TWSG1: variants seen among roughly 807,000 people sequenced by gnomAD.
The protein encoded by TWSG1 is twisted gastrulation BMP signaling modulator 1, also known as twisted gastrulation protein homolog 1.
TWSG1 carries 15 observed loss-of-function variants against 23.0 expected under a neutral mutation model. The observed-to-expected ratio is 0.65, with a 90% CI of 0.44 to 1.00. TWSG1 has a LOEUF of 1.00. TWSG1 is among the 50% of genes least tolerant of loss of function. The pLI is 0.00. For synonymous variants in TWSG1, 86 were observed against 92.8 expected (o/e 0.93, Z 0.42); for missense variants, 242 against 278.7 (o/e 0.87, Z 0.94).
intron 3 of TWSG1, among the ~76,000 whole-genome samples, chr18:9,383,904 A>G (rs1203883192): frequency 6.6e-6 from 1 of 152,198 alleles, no homozygotes; most frequent in African/African-American, 2.4e-5. Context: ...TGAAGTTACT[A>G]GTAAGTAGGG....
chr18:9,344,051 C>T (rs1247869079), intron 2 of TWSG1, among the ~76,000 whole-genome samples: 2 of 152,132 alleles, frequency 1.3e-5, no homozygotes, highest in African/African-American at 2.4e-5. Flanking sequence ...CAGGTGTGTG[C>T]CACCATACCT....
intron 3 of TWSG1, among the ~76,000 whole-genome samples, chr18:9,363,462 T>G (rs187159266): frequency 4.2e-4 from 64 of 152,316 alleles, no homozygotes; most frequent in African/African-American, 1.5e-3. Flanking sequence ...GGTATATGTC[T>G]CTATCTTCCC....
intron 2 of TWSG1, among the ~76,000 whole-genome samples, chr18:9,346,078 A>G (rs1186947051): frequency 1.3e-5 from 2 of 152,156 alleles, no homozygotes; most frequent in African/African-American, 2.4e-5. Flanking sequence ...TCTTGTATCT[A>G]CCATTACAGT....
chr18:9,388,085 A>G (rs1332562628), intron 3 of TWSG1: 1 of 152,222 alleles, frequency 6.6e-6, no homozygotes, highest in Non-Finnish European at 1.5e-5. Flanking sequence ...CAATGAAGGA[A>G]CTGTATCAGT....
chr18:9,401,547 T>G lies in TWSG1; in HGVS notation c.*2020T>G, dbSNP rs1568042369. 4 of 152,206 alleles carry G rather than the reference T, an allele frequency of 2.6e-5. No homozygotes were observed. The highest frequency in any genetic ancestry group is 9.7e-5 in the African/African-American group (4 of 41,450). 9.4% of individuals were successfully genotyped at this position (152,206 alleles called of 1,614,324 possible). A position where few individuals can be genotyped will look rare whatever the true frequency, so the allele number is the denominator to read the frequency against. On this transcript the variant is annotated 3_prime_UTR_variant, in exon 5 of 5. Transcript: ENST00000262120. ...GGATAATTTCTTAAACCACATTGTT[T>G]TAATTGATTTTTCTTATCTTGATTT... is the stretch of plus-strand genomic sequence containing the variant.
At position 9,401,189 on chromosome 18, in the gene TWSG1, G is replaced by A. The variant is rs561423481; in HGVS notation, c.*1662G>A. On this transcript the variant is annotated 3_prime_UTR_variant, in exon 5 of 5. Transcript: ENST00000262120. ...ATATTTTTTGGTAGGGAAACATTAG[G>A]GTCTCCTTTTCTTCCTTTTACCTAG... 7.2e-5 allele frequency: 11 copies of A among 152,176 alleles called. No homozygotes were observed. In the South Asian group the frequency reaches 1.0e-3, roughly 14 times the overall value. 9.4% of individuals were successfully genotyped at this position (152,176 alleles called of 1,614,324 possible). A position where few individuals can be genotyped will look rare whatever the true frequency, so the allele number is the denominator to read the frequency against.
chr18:9,363,774 C>T lies in TWSG1; in HGVS notation c.223+3703C>T, dbSNP rs141123821. On this transcript the variant is annotated intron_variant, in intron 3 of 4. Transcript: ENST00000262120. ...CCAGGTAGCTGGGACTACAGACACACGCCACCATATCTAGATACTTTTTTG... is the reference window on the plus strand; with the variant it reads ...CCAGGTAGCTGGGACTACAGACACATGCCACCATATCTAGATACTTTTTTG... Among the ~76,000 whole-genome samples the T allele has an allele frequency of 5.4e-3, 816 of 152,032 alleles. 3 individuals are homozygous for T. The highest frequency in any genetic ancestry group is 8.9e-3 in the South Asian group (43 of 4,812).
At chr18:9,391,713 A>C (rs546022337) in intron 3 of TWSG1, among the ~76,000 whole-genome samples, 41 of 152,298 alleles carry the variant, frequency 2.7e-4, no homozygotes, top group African/African-American at 9.2e-4. Context: ...CAAAGTGAGC[A>C]CATGCTATTG....
chr18:9,352,588 C>T (rs1398026277), intron 2 of TWSG1, among the ~76,000 whole-genome samples: 1 of 152,104 alleles, frequency 6.6e-6, no homozygotes, highest in East Asian at 1.9e-4. Flanking sequence ...AGCTTATGGG[C>T]TTAAAACCAG....
chr18:9,342,212 G>T (rs1216420609), intron 2 of TWSG1, among the ~76,000 whole-genome samples: 1 of 152,218 alleles, frequency 6.6e-6, no homozygotes, highest in Non-Finnish European at 1.5e-5. Flanking sequence ...CTTACTGGTT[G>T]TATGACCTTG....
intron 2 of TWSG1, among the ~76,000 whole-genome samples, chr18:9,340,966 T>C (rs2040444220): frequency 1.3e-5 from 2 of 152,366 alleles, no homozygotes; most frequent in South Asian, 4.1e-4. Context: ...ATACCTGGGC[T>C]GGGAAGATTC....
chr18:9,368,575 G>A (rs1166524905), intron 3 of TWSG1, among the ~76,000 whole-genome samples: 4 of 152,140 alleles, frequency 2.6e-5, no homozygotes, highest in African/African-American at 7.2e-5. Context: ...CACTTTGGGA[G>A]GCTGAGGCAG....
At chr18:9,359,268 A>G (rs1402997274) in intron 2 of TWSG1, among the ~76,000 whole-genome samples, 1 of 152,068 alleles carries the variant, frequency 6.6e-6, no homozygotes. Context: ...CTGGCTTCAC[A>G]TGGCAGCTGG....
At chr18:9,396,181 A>T in intron 3 of TWSG1, 99 bp from the exon 4 acceptor site, 2 of 885,048 alleles carry the variant, frequency 2.3e-6, no homozygotes, top group East Asian at 2.7e-5. Context: ...GTAGGAAAAT[A>T]TCCATGTGTA....
chr18:9,355,706 T>C lies in TWSG1; in HGVS notation c.124-4266T>C, dbSNP rs139647496. ...GCAGTAAGATTTTAAATGCCATCTA[T>C]TAAATTTGCCTATTATATTTCTCCT... On this transcript the variant is annotated intron_variant, in intron 2 of 4. Coordinates refer to ENST00000262120, the MANE Select transcript of TWSG1 (RefSeq NM_020648.6). Among the ~76,000 whole-genome samples, 445 of 152,330 alleles carry C rather than the reference T, an allele frequency of 2.9e-3. 3 individuals carry two copies. Among genetic ancestry groups the C allele is most frequent in the African/African-American group, 0.01 (429 of 41,580 alleles).
intron 2 of TWSG1, among the ~76,000 whole-genome samples, chr18:9,347,452 A>G (rs529838798): frequency 6.6e-6 from 1 of 152,264 alleles, no homozygotes; most frequent in South Asian, 2.1e-4. Context: ...TCTTAGCAGT[A>G]TTATGTCTTT....
At chr18:9,346,549 G>C (rs926418230) in intron 2 of TWSG1, among the ~76,000 whole-genome samples, 1 of 152,108 alleles carries the variant, frequency 6.6e-6, no homozygotes, top group Non-Finnish European at 1.5e-5. Flanking sequence ...GGCCATGGCA[G>C]GAGGGTCCCT....
chr18:9,390,501 G>T (rs1243850336), intron 3 of TWSG1, among the ~76,000 whole-genome samples: 1 of 151,958 alleles, frequency 6.6e-6, no homozygotes, highest in Non-Finnish European at 1.5e-5. Context: ...GTCTCACTAT[G>T]TTGCCTAGAC....
In TWSG1 at chr18:9,337,263, G is replaced by A. The variant is rs1286628112; in HGVS notation, c.34G>A (p.Ala12Thr). 6.2e-7 allele frequency: 1 copy of A among 1,613,118 alleles called. No individual in the cohort carries two copies. ...ACACTATGTTGCTGTGCTTACTCTA[G>A]CCATCCTGATGTTCCTGACATGGCT... ...KLHYVAVLTL[A>T]ILMFLTWLPE... is the part of the protein sequence containing the mutation. The change falls in exon 2 of 5, where the codon GCC becomes ACC. Residue 12 changes from alanine to threonine, a missense_variant. Ala to Thr is a moderately conservative substitution (Grantham distance 58, BLOSUM62 0). Transcript: ENST00000262120.
Sources: allele counts gnomAD v4.1 joint callset (sites outside exome capture counted in the v4.1 genomes callset), GRCh38; gene constraint gnomAD v4.1.1; transcripts MANE v1.5; gene names NCBI Gene and HGNC (gene_info 2026-07-23, HGNC 2026-07-21).